Variants in SCFD2 observed in about 807,000 individuals in gnomAD.
The protein encoded by SCFD2 is sec1 family domain-containing protein 2.
Under a neutral mutation model 58.9 loss-of-function variants are expected in SCFD2, and 54 were observed. That is an observed-to-expected ratio of 0.92 (90% CI 0.74 to 1.15). SCFD2 has a LOEUF of 1.15. Ranked by LOEUF, SCFD2 falls within the 50% of genes most tolerant of loss-of-function variation. SCFD2 has a pLI of 0.00. For missense variants in SCFD2, 805 were observed against 836.6 expected (o/e 0.96, Z 0.47); for synonymous variants, 321 against 335.9 (o/e 0.96, Z 0.49).
chr4:53,176,090 A>G (rs1418252107), intron 4 of SCFD2, among the ~76,000 whole-genome samples: 2 of 152,202 alleles, frequency 1.3e-5, no homozygotes, highest in East Asian at 3.9e-4. Context: ...TCAATTGAGA[A>G]AGTGTTCTCA....
intron 2 of SCFD2, among the ~76,000 whole-genome samples, chr4:53,332,527 G>A (rs1387950773): frequency 1.3e-5 from 2 of 152,152 alleles, no homozygotes; most frequent in African/African-American, 2.4e-5. Flanking sequence ...TGCAGAAAAT[G>A]CCTTTGACAA....
chr4:53,365,452 C>A lies in SCFD2; in HGVS notation c.490G>T (p.Ala164Ser), dbSNP rs140536818. ...FHVPLLLAPVAPHFALTPAFA... is the reference protein window; with the variant it reads ...FHVPLLLAPVSPHFALTPAFA... ...GCTGGAGTCAAGGCAAAGTGGGGAG[C>A]AACAGGGGCAAGCAATAACGGGACA... The change falls in exon 1 of 9, where the codon GCT (alanine) becomes TCT (serine). Residue 164 changes from alanine to serine, a missense_variant. By Grantham distance (99) the Ala-to-Ser change is moderately conservative. This residue lies in a region of SCFD2 where 633 missense variants were observed against 646.8 expected (regional missense o/e 0.98). Coordinates refer to ENST00000401642, the MANE Select transcript of SCFD2 (RefSeq NM_152540.4). This position sits in a 1 kb window ranked among gnomAD's most constrained non-coding sequence, Gnocchi z 4.3. The A allele has an allele frequency of 8.1e-6, 13 of 1,614,050 alleles. No individual in the cohort carries two copies. The African/African-American group carries it at 1.7e-4, about 22-fold the overall frequency.
At chr4:52,954,896 T>TGTACGA (rs1160829903) in intron 5 of SCFD2, among the ~76,000 whole-genome samples, 2 of 152,202 alleles carry the variant, frequency 1.3e-5, no homozygotes, top group African/African-American at 4.8e-5. Flanking sequence ...GGCTCCTATC[T>TGTACGA]GTACGAGTAC....
chr4:53,142,150 A>G (rs1329078239), intron 5 of SCFD2, among the ~76,000 whole-genome samples: 1 of 152,226 alleles, frequency 6.6e-6, no homozygotes, highest in Non-Finnish European at 1.5e-5. Context: ...AATAAAGACA[A>G]TAACAAGAAA....
At chr4:53,070,976 G>A (rs539096077) in intron 5 of SCFD2, among the ~76,000 whole-genome samples, 1 of 152,076 alleles carries the variant, frequency 6.6e-6, no homozygotes, top group Admixed American at 6.6e-5. Flanking sequence ...TTAGCTAGAT[G>A]TGCCATGTGA....
chr4:53,361,633 G>A (rs940057309), intron 1 of SCFD2, among the ~76,000 whole-genome samples: 1 of 152,146 alleles, frequency 6.6e-6, no homozygotes, highest in Non-Finnish European at 1.5e-5. Context: ...CTAGGCTCCA[G>A]TGATTCACCA....
At chr4:53,072,019 A>T (rs1723830187) in intron 5 of SCFD2, among the ~76,000 whole-genome samples, 1 of 152,144 alleles carries the variant, frequency 6.6e-6, no homozygotes, top group South Asian at 2.1e-4. Context: ...GACAGATCCT[A>T]TTATACCTTC....
intron 2 of SCFD2, among the ~76,000 whole-genome samples, chr4:53,331,699 G>A (rs1733477744): frequency 6.6e-6 from 1 of 152,110 alleles, no homozygotes; most frequent in Admixed American, 6.6e-5. Context: ...AGAGAAGCAA[G>A]AGCAAACACA....
chr4:53,222,546 T>C (rs1729078569), intron 4 of SCFD2, among the ~76,000 whole-genome samples: 1 of 152,238 alleles, frequency 6.6e-6, no homozygotes, highest in Non-Finnish European at 1.5e-5. Flanking sequence ...ATAACTATTT[T>C]AATGACAGTT....
chr4:53,325,689 T>TAAAA (rs1733170331), intron 2 of SCFD2, among the ~76,000 whole-genome samples: 1 of 152,228 alleles, frequency 6.6e-6, no homozygotes, highest in South Asian at 2.1e-4. Flanking sequence ...ACTTTTGACT[T>TAAAA]ATTTTTATCT....
intron 4 of SCFD2, among the ~76,000 whole-genome samples, chr4:53,240,246 T>G (rs983819926): frequency 3.3e-5 from 5 of 152,202 alleles, no homozygotes; most frequent in African/African-American, 1.2e-4. Flanking sequence ...TTCATTGATC[T>G]AAGACTCTAT....
chr4:53,071,821 G>C (rs1475216209), intron 5 of SCFD2, among the ~76,000 whole-genome samples: 2 of 152,084 alleles, frequency 1.3e-5, no homozygotes, highest in African/African-American at 2.4e-5. Context: ...TATTCTAAAA[G>C]GGGGATTTTA....
intron 5 of SCFD2, among the ~76,000 whole-genome samples, chr4:53,089,903 T>C (rs1724422427): frequency 6.6e-6 from 1 of 152,160 alleles, no homozygotes; most frequent in Non-Finnish European, 1.5e-5. Flanking sequence ...ATATTTCCCC[T>C]GCAGCATTTC....
intron 5 of SCFD2, among the ~76,000 whole-genome samples, chr4:53,057,911 G>A (rs1427177528): frequency 6.6e-6 from 1 of 152,062 alleles, no homozygotes; most frequent in African/African-American, 2.4e-5. Context: ...GCAGAGATCA[G>A]CAGGAACTTG....
At chr4:53,272,184 C>T (rs530514883) in intron 4 of SCFD2, among the ~76,000 whole-genome samples, 74 of 152,170 alleles carry the variant, frequency 4.9e-4, no homozygotes, top group Admixed American at 9.8e-4. Flanking sequence ...GAATGGCGAT[C>T]ATTAAAAAGT....
intron 3 of SCFD2, among the ~76,000 whole-genome samples, chr4:53,312,819 C>T (rs1046511210): frequency 1.2e-4 from 18 of 151,894 alleles, no homozygotes; most frequent in Non-Finnish European, 1.3e-4. Context: ...AAGAGAGAAA[C>T]CTTATTTTTA....
Position 53,218,876 on chromosome 4 carries a change from T to C in SCFD2, c.1311+54950A>G, listed in dbSNP as rs1264277839. Among the ~76,000 whole-genome samples the C allele has an allele frequency of 2.6e-5, 4 of 152,356 alleles. No homozygotes were observed. The East Asian group carries it at 7.7e-4, about 29-fold the overall frequency. Reference sequence around the variant, plus strand: ...GCTTCTAACAGTCAAGAACCACAGCTGCAGGTCTGAGTTTGCTGGATGTCC... The same window carrying C: ...GCTTCTAACAGTCAAGAACCACAGCCGCAGGTCTGAGTTTGCTGGATGTCC... On this transcript the variant is annotated intron_variant, in intron 4 of 8. Transcript: ENST00000401642.
At chr4:53,106,565 A>C (rs1239765457) in intron 5 of SCFD2, among the ~76,000 whole-genome samples, 1 of 152,234 alleles carries the variant, frequency 6.6e-6, no homozygotes, top group Non-Finnish European at 1.5e-5. Context: ...GAACTTCGTG[A>C]AGCATACACA....
chr4:53,066,344 G>C (rs1347701273), intron 5 of SCFD2, among the ~76,000 whole-genome samples: 4 of 152,038 alleles, frequency 2.6e-5, no homozygotes, highest in African/African-American at 7.2e-5. Flanking sequence ...CCTGACCTTT[G>C]GTCCTTATTT....
Sources: gnomAD v4.1 joint callset for allele counts (sites outside exome capture counted in the v4.1 genomes callset) on GRCh38, gnomAD v4.1.1 for gene constraint, gnomAD v4.1.1 regional missense constraint, Gnocchi (gnomAD v3.1) non-coding constraint, MANE v1.5 for transcripts, NCBI Gene and HGNC (gene_info 2026-07-23, HGNC 2026-07-21) for gene names.